The following GRIK4 variants were observed in gnomAD, a reference collection of about 807,000 sequenced individuals.
GRIK4 encodes glutamate receptor ionotropic, kainate 4.
GRIK4 carries 40 observed loss-of-function variants against 104.9 expected under a neutral mutation model. That is an observed-to-expected ratio of 0.38 (90% CI 0.30 to 0.50). GRIK4 has a LOEUF of 0.50. Among genes scored for constraint, GRIK4 ranks in the 20% least tolerant of loss-of-function variants. The probability of loss-of-function intolerance (pLI) is 0.93; values close to 1 mark genes in which losing one functional copy is unlikely to be tolerated. For synonymous variants in GRIK4, 485 were observed against 524.9 expected (o/e 0.92, Z 1.04); for missense variants, 1,047 against 1,308.1 (o/e 0.80, Z 3.08).
Position 120,986,523 on chromosome 11 carries a change from C to A in GRIK4, c.*263C>A. On this transcript the variant is annotated 3_prime_UTR_variant, in exon 21 of 21. Transcript: ENST00000527524. ...CCTGGGCACAAGGACCCATCTTCTC[C>A]CAGTGGGTCTTTCCCTCTCGCCAAA... 1 of 469,224 alleles carries A rather than the reference C, an allele frequency of 2.1e-6. No homozygotes were observed. Among genetic ancestry groups the A allele is most frequent in the South Asian group, 3.1e-5 (1 of 32,490 alleles). 29.1% of individuals were successfully genotyped at this position (469,224 alleles called of 1,614,324 possible).
chr11:120,802,572 T>C, intron 3 of GRIK4, 121 bp from the exon 4 acceptor site: 1 of 821,836 alleles, frequency 1.2e-6, no homozygotes, highest in South Asian at 1.5e-5. Flanking sequence ...CATGGCAGGA[T>C]GGAGAGGAAC....
chr11:120,744,182 G>C (rs1401708905), intron 3 of GRIK4, among the ~76,000 whole-genome samples: 4 of 152,178 alleles, frequency 2.6e-5, no homozygotes, highest in Non-Finnish European at 4.4e-5. Flanking sequence ...CAGGGGGAAT[G>C]GGGCTGGCAG....
intron 8 of GRIK4, among the ~76,000 whole-genome samples, chr11:120,839,525 G>A (rs1029516051): frequency 6.6e-6 from 1 of 152,226 alleles, no homozygotes; most frequent in South Asian, 2.1e-4. Flanking sequence ...AGGAGAAGGT[G>A]TTATTTTAAG....
At chr11:120,922,180 A>G (rs774201701) in intron 13 of GRIK4, among the ~76,000 whole-genome samples, 2 of 152,210 alleles carry the variant, frequency 1.3e-5, no homozygotes, top group Non-Finnish European at 2.9e-5. Flanking sequence ...ATTTAATCTT[A>G]GGACAACATT....
chr11:120,832,136 T>A, intron 7 of GRIK4, 106 bp downstream of exon 7: 1 of 697,950 alleles, frequency 1.4e-6, no homozygotes, highest in South Asian at 2.1e-5. Flanking sequence ...GGGCTGGACC[T>A]GAACTCTTAC....
chr11:120,705,174 T>C (rs904336978), intron 3 of GRIK4, among the ~76,000 whole-genome samples: 8 of 152,200 alleles, frequency 5.3e-5, no homozygotes, highest in African/African-American at 1.9e-4. Flanking sequence ...TGGCTGTTCA[T>C]AGAGTCCCTT....
At position 120,956,429 on chromosome 11, in the gene GRIK4, C is replaced by A. The variant is rs1944151289; in HGVS notation, c.1701-351C>A. Among the ~76,000 whole-genome samples, 1 of 151,914 alleles carries A rather than the reference C, an allele frequency of 6.6e-6. No individual in the cohort carries two copies. ...TGTGTTGCCCAGGCTGGTCTCGAAT[C>A]CCTGGACTCAAGCAATCCACCCGCC... is the stretch of plus-strand genomic sequence containing the variant. On this transcript the variant is annotated intron_variant, in intron 15 of 20. Coordinates refer to ENST00000527524, the MANE Select transcript of GRIK4 (RefSeq NM_014619.5). This position sits in a 1 kb window ranked among gnomAD's most constrained non-coding sequence, Gnocchi z 4.6.
intron 7 of GRIK4, among the ~76,000 whole-genome samples, chr11:120,833,076 C>T (rs1166795554): frequency 6.6e-6 from 1 of 152,088 alleles, no homozygotes; most frequent in African/African-American, 2.4e-5. Flanking sequence ...GATTGTCTCC[C>T]CTCCTTCCCT....
chr11:120,733,688 G>T (rs1951177518), intron 3 of GRIK4, among the ~76,000 whole-genome samples: 1 of 150,586 alleles, frequency 6.6e-6, no homozygotes, highest in Non-Finnish European at 1.5e-5. Flanking sequence ...TGCCTTAAAA[G>T]TTGTTGTAGT....
At position 120,656,694 on chromosome 11, in the gene GRIK4, C is replaced by G. The variant is rs1949715479; in HGVS notation, c.-51+2902C>G. Reference sequence around the variant, plus strand: ...TGGTCATCATGGTGAAGTCCCATCTCCACTAAAAAATTAGCCAGGCTTGGT... The same window carrying G: ...TGGTCATCATGGTGAAGTCCCATCTGCACTAAAAAATTAGCCAGGCTTGGT... On this transcript the variant is annotated intron_variant, in intron 2 of 20. Transcript: ENST00000527524. Among the ~76,000 whole-genome samples, 5 of 152,280 alleles carry G rather than the reference C, an allele frequency of 3.3e-5. No homozygotes were observed. The South Asian group carries it at 6.2e-4, about 19-fold the overall frequency.
chr11:120,822,883 A>G (rs1162739802), intron 6 of GRIK4, among the ~76,000 whole-genome samples: 1 of 152,214 alleles, frequency 6.6e-6, no homozygotes, highest in Non-Finnish European at 1.5e-5. Context: ...AATAAGTTTG[A>G]CCATGAGCCA....
rs867640899 is a variant in GRIK4 at position 120,755,252 on chromosome 11, A to G, written c.83-47441A>G. The stretch of plus-strand genomic sequence containing the variant: ...AGAACACAATTGCACCATGGGAGCC[A>G]AGGGCCTGAGCGCTAATGGCAGAGC... On this transcript the variant is annotated intron_variant, in intron 3 of 20. Transcript: ENST00000527524. 3.9e-5 allele frequency among the ~76,000 whole-genome samples: 6 copies of G among 152,238 alleles called. No homozygotes were observed. The Middle Eastern group carries it at 0.014, about 345-fold the overall frequency.
At chr11:120,830,409 G>T (rs1033129789) in intron 6 of GRIK4, among the ~76,000 whole-genome samples, 1 of 152,164 alleles carries the variant, frequency 6.6e-6, no homozygotes, top group Non-Finnish European at 1.5e-5. Flanking sequence ...TGTTTGCTGA[G>T]TAAGTCATGT....
At chr11:120,515,433 G>A (rs972658838) in intron 1 of GRIK4, among the ~76,000 whole-genome samples, 3 of 152,210 alleles carry the variant, frequency 2.0e-5, no homozygotes, top group Non-Finnish European at 2.9e-5. Context: ...TTAGCAGCAT[G>A]GAATGTGAGT....
chr11:120,898,603 T>A lies in GRIK4; in HGVS notation c.1236T>A (p.Thr412=), dbSNP rs374804051. 6.2e-7 allele frequency: 1 copy of A among 1,611,840 alleles called. No individual in the cohort carries two copies. The highest frequency in any genetic ancestry group is 1.1e-5 in the South Asian group (1 of 91,020). Residue 412 remains threonine, a synonymous_variant, in exon 12 of 21, where the codon ACT becomes ACA. Coordinates refer to ENST00000527524, the MANE Select transcript of GRIK4 (RefSeq NM_014619.5). ...TCTATGCCTCCAACATCTCGGACAC[T>A]CTCTTCAACACCACCCTGGTCGTCA... is the stretch of plus-strand genomic sequence containing the variant. ...SHLYASNISD[T]LFNTTLVVTT...
intron 4 of GRIK4, among the ~76,000 whole-genome samples, chr11:120,803,352 A>C (rs1952656660): frequency 6.6e-6 from 1 of 152,206 alleles, no homozygotes; most frequent in Non-Finnish European, 1.5e-5. Context: ...ATCCTATCCA[A>C]ACCTCAGTTT....
rs951754969 is a variant in GRIK4 at position 120,985,277 on chromosome 11, C to G, written c.2515-627C>G. 3.3e-5 allele frequency among the ~76,000 whole-genome samples: 5 copies of G among 152,134 alleles called. No individual in the cohort carries two copies. The East Asian group carries it at 7.7e-4, about 23-fold the overall frequency. ...TCTCACACGGTGTGAGATGTTGCTA[C>G]AGAAATATGAGCGGGTTTGAATTCA... On this transcript the variant is annotated intron_variant, in intron 20 of 20. Transcript: ENST00000527524.
chr11:120,660,307 G>T lies in GRIK4; in HGVS notation c.-12G>T, dbSNP rs890969036. 6.3e-7 allele frequency: 1 copy of T among 1,598,444 alleles called. No homozygotes were observed. The highest frequency in any genetic ancestry group is 8.6e-7 in the Non-Finnish European group (1 of 1,166,568). ...CCAGGCCAGCAGGGGGCTCCATGAGGATTCATAGAAGATGCCCCGCGTCTC... is the reference window on the plus strand; with the variant it reads ...CCAGGCCAGCAGGGGGCTCCATGAGTATTCATAGAAGATGCCCCGCGTCTC... On this transcript the variant is annotated 5_prime_UTR_variant, in exon 3 of 21. Coordinates refer to ENST00000527524, the MANE Select transcript of GRIK4 (RefSeq NM_014619.5).
At chr11:120,605,411 A>C (rs1341494914) in intron 1 of GRIK4, among the ~76,000 whole-genome samples, 1 of 152,190 alleles carries the variant, frequency 6.6e-6, no homozygotes, top group Non-Finnish European at 1.5e-5. Context: ...TCTGAGCCTC[A>C]TTTTCCTCAT....
Sources: gnomAD v4.1 joint callset for allele counts (sites outside exome capture counted in the v4.1 genomes callset) on GRCh38, gnomAD v4.1.1 for gene constraint, Gnocchi (gnomAD v3.1) non-coding constraint, MANE v1.5 for transcripts, NCBI Gene and HGNC (gene_info 2026-07-23, HGNC 2026-07-21) for gene names.